The following TTC27 variants were observed in gnomAD, a reference collection of about 807,000 sequenced individuals.
TTC27 encodes tetratricopeptide repeat domain 27, also known as tetratricopeptide repeat protein 27.
TTC27 carries 79 observed loss-of-function variants against 115.9 expected under a neutral mutation model. The observed-to-expected ratio is 0.68, with a 90% CI of 0.57 to 0.82. The LOEUF is 0.82. Among genes scored for constraint, TTC27 ranks in the 40% least tolerant of loss-of-function variants. The pLI, the probability that TTC27 is intolerant of heterozygous loss-of-function variation, is 0.00. For missense variants in TTC27, 1,054 were observed against 993.1 expected, an observed-to-expected ratio of 1.06 and a Z score of -0.82; for synonymous variants, 401 against 356.0, an observed-to-expected ratio of 1.13 and a Z score of -1.42.
intron 9 of TTC27, among the ~76,000 whole-genome samples, chr2:32,694,876 G>A (rs1402022846): frequency 3.3e-5 from 5 of 151,462 alleles, no homozygotes; most frequent in Non-Finnish European, 4.4e-5. Flanking sequence ...ACAGGGTCTT[G>A]CTGTGTTGCT....
At chr2:32,688,485 C>T (rs1305584272) in intron 9 of TTC27, among the ~76,000 whole-genome samples, 3 of 152,034 alleles carry the variant, frequency 2.0e-5, no homozygotes, top group Admixed American at 6.6e-5. Flanking sequence ...AATGAAAACA[C>T]CAGCCATAGA....
At chr2:32,771,319 G>T (rs957686698) in intron 13 of TTC27, among the ~76,000 whole-genome samples, 3 of 152,146 alleles carry the variant, frequency 2.0e-5, no homozygotes, top group Non-Finnish European at 4.4e-5. Context: ...TCTGCCTGTT[G>T]CACTGTAGAA....
Position 32,758,281 on chromosome 2 carries a change from G to A in TTC27, c.1453-11G>A, listed in dbSNP as rs140557591. The A allele has an allele frequency of 6.2e-7, 1 of 1,611,000 alleles. No individual in the cohort carries two copies. The highest frequency in any genetic ancestry group is 1.7e-5 in the Admixed American group (1 of 59,640). Reference sequence around the variant, plus strand: ...ACTCTTAAGCAATTTCATTATTTCTGTTGTTTCTAGGCAGAAGAAATCCTT... The same window carrying A: ...ACTCTTAAGCAATTTCATTATTTCTATTGTTTCTAGGCAGAAGAAATCCTT... On this transcript the variant is annotated splice_polypyrimidine_tract_variant and intron_variant, in intron 12 of 19. Transcript: ENST00000317907.
chr2:32,692,264 C>T (rs996502682), intron 9 of TTC27, among the ~76,000 whole-genome samples: 14 of 152,014 alleles, frequency 9.2e-5, no homozygotes, highest in Admixed American at 6.6e-4. Context: ...ATACTTATAA[C>T]TTAGTGAGCT....
At chr2:32,636,947 G>T (rs1455523477) in intron 3 of TTC27, among the ~76,000 whole-genome samples, 3 of 152,152 alleles carry the variant, frequency 2.0e-5, no homozygotes, top group African/African-American at 2.4e-5. Context: ...GTGGGAAAAG[G>T]ATGCTTTGAA....
intron 16 of TTC27, among the ~76,000 whole-genome samples, chr2:32,807,814 C>T (rs554552355): frequency 2.8e-4 from 43 of 152,068 alleles, no homozygotes; most frequent in Non-Finnish European, 5.0e-4. Context: ...ATTCCTGATC[C>T]TTTGTAGATC....
At chr2:32,767,571 C>A (rs1211921313) in intron 13 of TTC27, among the ~76,000 whole-genome samples, 1 of 149,024 alleles carries the variant, frequency 6.7e-6, no homozygotes, top group East Asian at 2.0e-4. Flanking sequence ...ACGCCATTCT[C>A]CTGCCTCAGC....
intron 5 of TTC27, among the ~76,000 whole-genome samples, chr2:32,655,080 C>T (rs771196935): frequency 4.0e-5 from 6 of 151,858 alleles, no homozygotes; most frequent in Non-Finnish European, 7.4e-5. Flanking sequence ...CCTCTGCCTC[C>T]TGCGTTCAAG....
chr2:32,762,715 C>G (rs144210358), intron 13 of TTC27, among the ~76,000 whole-genome samples: 2 of 152,116 alleles, frequency 1.3e-5, no homozygotes, highest in Non-Finnish European at 2.9e-5. Flanking sequence ...CTTCTCAGCT[C>G]ACTGCAATCT....
intron 1 of TTC27, among the ~76,000 whole-genome samples, chr2:32,629,171 G>C (rs1210672585): frequency 6.6e-6 from 1 of 151,618 alleles, no homozygotes; most frequent in African/African-American, 2.4e-5. Context: ...GCTCTGGCTG[G>C]AGTGCACTGG....
At chr2:32,820,467 T>C (rs1330966170) in intron 19 of TTC27, among the ~76,000 whole-genome samples, 4 of 152,258 alleles carry the variant, frequency 2.6e-5, no homozygotes, top group African/African-American at 9.6e-5. Flanking sequence ...AGAATATATT[T>C]GTTTTGCCTG....
rs776204680 is a variant in TTC27 at position 32,664,371 on chromosome 2, T to A, written c.709T>A (p.Cys237Ser). Reference sequence around the variant, plus strand: ...TTTGGCTATTCAATTCCATCTGGAATGTGCATATGTGTTTTTATATTATTA... The same window carrying A: ...TTTGGCTATTCAATTCCATCTGGAAAGTGCATATGTGTTTTTATATTATTA... Reference protein sequence around the residue: ...RYLAIQFHLECAYVFLYYYEY... With the variant: ...RYLAIQFHLESAYVFLYYYEY... The change falls in exon 6 of 20, where the codon TGT (cysteine) becomes AGT (serine). Residue 237 changes from cysteine (C) to serine (S), a missense_variant. Coordinates refer to ENST00000317907, the MANE Select transcript of TTC27 (RefSeq NM_017735.5). 3 of 1,612,302 alleles carry A rather than the reference T, an allele frequency of 1.9e-6. No individual in the cohort carries two copies. Among genetic ancestry groups the A allele is most frequent in the South Asian group, 1.1e-5 (1 of 90,614 alleles).
intron 10 of TTC27, among the ~76,000 whole-genome samples, chr2:32,729,688 A>C (rs1668226806): frequency 1.3e-5 from 2 of 151,974 alleles, no homozygotes; most frequent in Non-Finnish European, 1.5e-5. Flanking sequence ...ACCGCGCCCC[A>C]GGGGCCTCCT....
At chr2:32,720,357 T>C (rs1454336533) in intron 10 of TTC27, among the ~76,000 whole-genome samples, 1 of 152,178 alleles carries the variant, frequency 6.6e-6, no homozygotes, top group Middle Eastern at 3.2e-3. Context: ...ATTAGAAAAA[T>C]AGAATTTTGA....
intron 15 of TTC27, among the ~76,000 whole-genome samples, chr2:32,784,255 C>G (rs146669346): frequency 6.6e-6 from 1 of 152,120 alleles, no homozygotes; most frequent in Admixed American, 6.6e-5. Flanking sequence ...TATTGTTTCT[C>G]GACTTTCTTA....
intron 4 of TTC27, among the ~76,000 whole-genome samples, chr2:32,641,833 C>T (rs895254618): frequency 6.6e-5 from 10 of 151,446 alleles, no homozygotes; most frequent in African/African-American, 2.2e-4. Flanking sequence ...CATGCGTCAC[C>T]ATGTCTGGCT....
intron 10 of TTC27, among the ~76,000 whole-genome samples, chr2:32,720,162 G>A (rs1040274901): frequency 6.6e-6 from 1 of 151,882 alleles, no homozygotes; most frequent in African/African-American, 2.4e-5. Flanking sequence ...GTATGTGTAT[G>A]GTTTATTTTT....
intron 4 of TTC27, among the ~76,000 whole-genome samples, chr2:32,647,629 A>G (rs907296844): frequency 2.6e-5 from 4 of 152,214 alleles, no homozygotes; most frequent in African/African-American, 9.6e-5. Flanking sequence ...GGTGTGTAGC[A>G]GTTTAGAAGG....
intron 12 of TTC27, among the ~76,000 whole-genome samples, chr2:32,754,914 G>A (rs187476090): frequency 4.0e-5 from 6 of 151,106 alleles, no homozygotes; most frequent in African/African-American, 1.5e-4. Flanking sequence ...GGTGGCTGCC[G>A]GGCGGGGATG....
Sources: gnomAD v4.1 joint callset for allele counts (sites outside exome capture counted in the v4.1 genomes callset) on GRCh38, gnomAD v4.1.1 for gene constraint, MANE v1.5 for transcripts, NCBI Gene and HGNC (gene_info 2026-07-23, HGNC 2026-07-21) for gene names.